Variants in RAN observed in about 807,000 individuals in gnomAD.
RAN encodes RAN, member RAS oncogene family, also known as GTP-binding nuclear protein Ran.
A neutral mutation model predicts 26.8 loss-of-function variants in RAN; 2 were observed. That is an observed-to-expected ratio of 0.07 (90% CI 0.03 to 0.23). The LOEUF is 0.23. Among genes scored for constraint, RAN ranks in the 10% least tolerant of loss-of-function variants. The pLI is 1.00. For missense variants in RAN, 56 were observed against 264.8 expected (o/e 0.21, Z 5.47); for synonymous variants, 132 against 95.9 (o/e 1.38, Z -2.20).
chr12:130,872,825 T>C lies in RAN; in HGVS notation c.37-11T>C, dbSNP rs572357593. ...GTTTAGGGTTTACTTCCAAAATGTGTTTTTCAACAGCTTGTATTGGTTGGT... is the reference window on the plus strand; with the variant it reads ...GTTTAGGGTTTACTTCCAAAATGTGCTTTTCAACAGCTTGTATTGGTTGGT... On this transcript the variant is annotated splice_polypyrimidine_tract_variant and intron_variant, in intron 2 of 6. Transcript: ENST00000543796. 6.8e-6 allele frequency: 11 copies of C among 1,614,090 alleles called. No individual in the cohort carries two copies. The South Asian group carries it at 1.1e-4, about 16-fold the overall frequency.
chr12:130,875,584 A>T (rs1205197682), intron 5 of RAN, 28 bp from the exon 6 acceptor site: 1 of 1,521,144 alleles, frequency 6.6e-7, no homozygotes, highest in Non-Finnish European at 8.8e-7. Flanking sequence ...TGAATTTTAA[A>T]AAGTAATTTT....
intron 5 of RAN, 92 bp from the exon 6 acceptor site, chr12:130,875,520 A>G: frequency 8.1e-7 from 1 of 1,241,758 alleles, no homozygotes; most frequent in Non-Finnish European, 1.1e-6. Flanking sequence ...CCTTGCCAAG[A>G]ATCTTAACAT....
intron 5 of RAN, among the ~76,000 whole-genome samples, chr12:130,875,278 G>A (rs1362982275): frequency 6.6e-6 from 1 of 152,074 alleles, no homozygotes; most frequent in Non-Finnish European, 1.5e-5. Context: ...CAGGAGTGCA[G>A]TGGCATGAAC....
chr12:130,874,922 A>G (rs1953211058), intron 5 of RAN, among the ~76,000 whole-genome samples, 189 bp downstream of exon 5: 1 of 152,052 alleles, frequency 6.6e-6, no homozygotes, highest in Admixed American at 6.6e-5. Flanking sequence ...TCCCGGGTTC[A>G]AGCAGTTTTG....
At position 130,876,379 on chromosome 12, in the gene RAN, CACTT is replaced by C. The variant is rs2136404523; in HGVS notation, c.*455_*458del. On this transcript the variant is annotated 3_prime_UTR_variant, in exon 7 of 7. Transcript: ENST00000543796. ...AATATTTGAATTGCCTTGCTTTTATCACTTAATTTGAAATCTATTGGGTTAATTT... is the reference window on the plus strand; with the variant it reads ...AATATTTGAATTGCCTTGCTTTTATCAATTTGAAATCTATTGGGTTAATTT... The C allele has an allele frequency of 6.0e-6, 1 of 167,870 alleles. No homozygotes were observed. Among genetic ancestry groups the C allele is most frequent in the South Asian group, 1.5e-4 (1 of 6,626 alleles). 10.4% of individuals were successfully genotyped at this position (167,870 alleles called of 1,614,324 possible). A position where few individuals can be genotyped will look rare whatever the true frequency, so the allele number is the denominator to read the frequency against.
intron 1 of RAN, 45 bp downstream of exon 1, chr12:130,872,171 G>C (rs1215570536): frequency 5.6e-6 from 1 of 177,484 alleles, no homozygotes; most frequent in African/African-American, 2.4e-5. Context: ...GGGGACAGGG[G>C]TGGCGGCGGC....
intron 4 of RAN, chr12:130,874,180 T>A (rs1248025879): frequency 4.6e-6 from 1 of 217,716 alleles, no homozygotes; most frequent in African/African-American, 2.3e-5. Context: ...GAATAATGTT[T>A]TCCAGTATAG....
chr12:130,875,963 T>C lies in RAN; in HGVS notation c.*37T>C. ...GAGCCCAGCGTCAGAAGTCTAGTTT[T>C]ATAGGCAGCTGTCCTGTGATGTCAG... On this transcript the variant is annotated 3_prime_UTR_variant, in exon 7 of 7. Coordinates refer to ENST00000543796, the MANE Select transcript of RAN (RefSeq NM_006325.5). 6.2e-7 allele frequency: 1 copy of C among 1,602,036 alleles called. No individual in the cohort carries two copies.
At position 130,874,738 on chromosome 12, in the gene RAN, GTAAAAT is replaced by G. The variant is rs1953205547; in HGVS notation, c.435+11_435+16del. The stretch of plus-strand genomic sequence containing the variant: ...CACCGAAAGAAGAATCTTCAGGTGT[GTAAAAT>G]TAAAACTTCCTGAGTTATTTCTCTT... On this transcript the variant is annotated splice_donor_region_variant and intron_variant, in intron 5 of 6. Transcript: ENST00000543796. The G allele has an allele frequency of 2.5e-6, 4 of 1,606,106 alleles. No individual in the cohort carries two copies. In the Admixed American group the frequency reaches 5.1e-5, roughly 20 times the overall value.
Position 130,876,012 on chromosome 12 carries a change from A to G in RAN, c.*86A>G, listed in dbSNP as rs539070915. On this transcript the variant is annotated 3_prime_UTR_variant, in exon 7 of 7. Coordinates refer to ENST00000543796, the MANE Select transcript of RAN (RefSeq NM_006325.5). ...AGCGGTGCAGCGTGTGTGCCACCTC[A>G]TTATTATCTAGCTAAGCGGAACATG... The G allele has an allele frequency of 1.8e-5, 24 of 1,357,424 alleles. No individual in the cohort carries two copies. The highest frequency in any genetic ancestry group is 1.2e-4 in the Admixed American group (7 of 57,440). 84.1% of individuals were successfully genotyped at this position (1,357,424 alleles called of 1,614,324 possible). A position where few individuals can be genotyped will look rare whatever the true frequency, so the allele number is the denominator to read the frequency against.
intron 4 of RAN, chr12:130,873,435 CATGT>C (rs1314469835): frequency 3.2e-5 from 10 of 314,816 alleles, no homozygotes; most frequent in African/African-American, 1.9e-4. Context: ...AACTTAGGTT[CATGT>C]ATGTATTTTG....
At chr12:130,875,245 A>G (rs1953217448) in intron 5 of RAN, among the ~76,000 whole-genome samples, 1 of 152,206 alleles carries the variant, frequency 6.6e-6, no homozygotes, top group Admixed American at 6.5e-5. Flanking sequence ...TGTTCGAGAC[A>G]GGGTCTTGCT....
chr12:130,872,842 T>C lies in RAN; in HGVS notation c.43T>C (p.Leu15=), dbSNP rs142740158. 1 of 1,614,230 alleles carries C rather than the reference T, an allele frequency of 6.2e-7. No homozygotes were observed. Among genetic ancestry groups the C allele is most frequent in the Non-Finnish European group, 8.5e-7 (1 of 1,180,010 alleles). Residue 15 remains leucine (L), a synonymous_variant, in exon 3 of 7, where the codon TTG becomes CTG. Transcript: ENST00000543796. ...GEPQVQFKLV[L]VGDGGTGKTT... ...AAAATGTGTTTTTCAACAGCTTGTA[T>C]TGGTTGGTGATGGTGGTACTGGAAA...
At position 130,877,602 on chromosome 12, in the gene RAN, TG is replaced by T. The variant is rs1953272740; in HGVS notation, c.*1678del. The T allele has an allele frequency of 3.3e-5, 5 of 152,222 alleles. No homozygotes were observed. The highest frequency in any genetic ancestry group is 1.2e-4 in the African/African-American group (5 of 41,454). The allele number at this position is 152,222 out of a possible 1,614,324, so 9.4% of individuals were successfully genotyped here. A position where few individuals can be genotyped will look rare whatever the true frequency, so the allele number is the denominator to read the frequency against. On this transcript the variant is annotated 3_prime_UTR_variant, in exon 7 of 7. Transcript: ENST00000543796. Reference sequence around the variant, plus strand: ...AGTGACGTCACTTACCTGTCTAACGTGGTGTGGGAGAGAATTTACAAGTCCT... The same window carrying T: ...AGTGACGTCACTTACCTGTCTAACGTGTGTGGGAGAGAATTTACAAGTCCT...
At chr12:130,875,162 A>G (rs1953215678) in intron 5 of RAN, among the ~76,000 whole-genome samples, 1 of 151,596 alleles carries the variant, frequency 6.6e-6, no homozygotes, top group Non-Finnish European at 1.5e-5. Flanking sequence ...ACTGTTTTTA[A>G]AGAATGATAG....
chr12:130,875,128 A>G lies in RAN; in HGVS notation c.435+395A>G, dbSNP rs1300889570. On this transcript the variant is annotated intron_variant, in intron 5 of 6. Transcript: ENST00000543796. Reference sequence around the variant, plus strand: ...GGCATGAGCCACTGTGCCCGGCCGGAAATAATTTTGTCTTTTTTATACTAC... The same window carrying G: ...GGCATGAGCCACTGTGCCCGGCCGGGAATAATTTTGTCTTTTTTATACTAC... Among the ~76,000 whole-genome samples the G allele has an allele frequency of 2.0e-5, 3 of 150,780 alleles. No individual in the cohort carries two copies. The East Asian group carries it at 6.0e-4, about 30-fold the overall frequency.
At position 130,873,841 on chromosome 12, in the gene RAN, G is replaced by A. The variant is rs564070197; in HGVS notation, c.248-705G>A. 1.8e-4 allele frequency: 30 copies of A among 163,802 alleles called. No individual in the cohort carries two copies. In the South Asian group the frequency reaches 4.0e-3, roughly 22 times the overall value. The allele number at this position is 163,802 out of a possible 1,614,324, so 10.1% of individuals were successfully genotyped here. A position where few individuals can be genotyped will look rare whatever the true frequency, so the allele number is the denominator to read the frequency against. On this transcript the variant is annotated intron_variant, in intron 4 of 6. Transcript: ENST00000543796. Reference sequence around the variant, plus strand: ...AACTGTACCATAGTTATTCCTGCAGGTGAATATATAGGCTTTATCTGGGTT... The same window carrying A: ...AACTGTACCATAGTTATTCCTGCAGATGAATATATAGGCTTTATCTGGGTT...
chr12:130,874,481 G>C (rs985494626), intron 4 of RAN, 65 bp from the exon 5 acceptor site: 22 of 1,315,628 alleles, frequency 1.7e-5, no homozygotes, highest in Non-Finnish European at 2.3e-5. Flanking sequence ...CCTAGTCTCT[G>C]GTTCTTAGCA....
intron 5 of RAN, 59 bp downstream of exon 5, chr12:130,874,792 A>G (rs554850835): frequency 1.5e-5 from 21 of 1,389,638 alleles, no homozygotes; most frequent in Non-Finnish European, 1.9e-5. Context: ...ATGTAAGACC[A>G]TGAAATTAAC....
Sources: allele counts gnomAD v4.1 joint callset (sites outside exome capture counted in the v4.1 genomes callset), GRCh38; gene constraint gnomAD v4.1.1; transcripts MANE v1.5; gene names NCBI Gene and HGNC (gene_info 2026-07-23, HGNC 2026-07-21).